Variants in DENND1B observed in about 807,000 individuals in gnomAD.
DENND1B encodes DENN domain containing 1B.
In DENND1B, 59 loss-of-function variants were observed where a neutral mutation model predicts 90.1. The ratio of observed to expected loss-of-function variants is 0.65; its 90% CI spans 0.53 to 0.81. The LOEUF (loss-of-function observed/expected upper bound fraction) is 0.81. Among genes scored for constraint, DENND1B ranks in the 40% least tolerant of loss-of-function variants. The probability of loss-of-function intolerance (pLI) is 0.00; values close to 1 mark genes in which losing one functional copy is unlikely to be tolerated. For missense variants in DENND1B, 862 were observed against 912.6 expected, an observed-to-expected ratio of 0.94 and a Z score of 0.71; for synonymous variants, 337 against 324.6, an observed-to-expected ratio of 1.04 and a Z score of -0.41.
rs1001723648 is a variant in DENND1B, at chr1:197,539,977, CGCTTTTCTGAGT to C, written c.1490_1501del (p.Asn497_Arg501delinsSer). The C allele has an allele frequency of 1.9e-6, 3 of 1,612,342 alleles. No homozygotes were observed. The Admixed American group carries it at 5.0e-5, about 27-fold the overall frequency. On this transcript the variant is annotated inframe_deletion, in exon 20 of 23. Coordinates refer to ENST00000620048, the MANE Select transcript of DENND1B (RefSeq NM_001195215.2). ...AACCTTACTTACCTGAGCAAGCTTA[CGCTTTTCTGAGT>C]TTCCTCCCTTTTCATTGTGTAATTT... is the stretch of plus-strand genomic sequence containing the variant.
rs773308113 is a variant in DENND1B at position 197,553,049 on chromosome 1, C to T, written c.1213G>A (p.Glu405Lys). The change falls in exon 16 of 23, where the codon GAG becomes AAG. Residue 405 changes from glutamate to lysine, a missense_variant. Physicochemically the swap from Glu to Lys is moderately conservative, Grantham distance 56 (BLOSUM62 1). Coordinates refer to ENST00000620048, the MANE Select transcript of DENND1B (RefSeq NM_001195215.2). ...CCACAAAAGCCACCTGAAGTGATCTCTTCTTCAAATACATCAGAGAAACCC... is the reference window on the plus strand; with the variant it reads ...CCACAAAAGCCACCTGAAGTGATCTTTTCTTCAAATACATCAGAGAAACCC... ...GRGFSDVFEE[E>K]ITSGGFCGGN... The T allele has an allele frequency of 1.3e-5, 20 of 1,568,908 alleles. No homozygotes were observed. The highest frequency in any genetic ancestry group is 2.8e-5 in the African/African-American group (2 of 71,838).
intron 3 of DENND1B, among the ~76,000 whole-genome samples, chr1:197,674,667 T>TA (rs35033905): frequency 3.2e-4 from 46 of 144,734 alleles, no homozygotes; most frequent in African/African-American, 7.6e-4. Context: ...GTCAAACAGT[T>TA]AAAAAAAAAA....
Position 197,553,011 on chromosome 1 carries a change from C to A in DENND1B, c.1240+11G>T. On this transcript the variant is annotated intron_variant, in intron 16 of 22. Coordinates refer to ENST00000620048, the MANE Select transcript of DENND1B (RefSeq NM_001195215.2). ...GAGAAAATGGATAATCATATTGTAACTTGTCTTTACCTCCACAAAAGCCAC... is the reference window on the plus strand; with the variant it reads ...GAGAAAATGGATAATCATATTGTAAATTGTCTTTACCTCCACAAAAGCCAC... The A allele has an allele frequency of 1.9e-6, 3 of 1,570,648 alleles. No individual in the cohort carries two copies. Among genetic ancestry groups the A allele is most frequent in the Non-Finnish European group, 2.6e-6 (3 of 1,166,132 alleles).
At chr1:197,705,966 A>T (rs1659492368) in intron 3 of DENND1B, among the ~76,000 whole-genome samples, 1 of 151,174 alleles carries the variant, frequency 6.6e-6, no homozygotes, top group Non-Finnish European at 1.5e-5. Flanking sequence ...ATTAATATTT[A>T]TCACGCCCAT....
intron 2 of DENND1B, among the ~76,000 whole-genome samples, chr1:197,726,051 T>C (rs1571514967): frequency 6.6e-6 from 1 of 151,738 alleles, no homozygotes; most frequent in Middle Eastern, 3.4e-3. Context: ...TACACACACA[T>C]ACACATATAT....
intron 14 of DENND1B, among the ~76,000 whole-genome samples, chr1:197,589,472 G>GTGTAAAA (rs1204828334): frequency 1.3e-5 from 2 of 152,138 alleles, no homozygotes; most frequent in African/African-American, 4.8e-5. Context: ...ATGAAAGGAT[G>GTGTAAAA]TGTAAAATGT....
rs777754291 is a variant in DENND1B, at chr1:197,510,510, G to C, written c.2278C>G (p.Gln760Glu). The change falls in exon 23 of 23, where the codon CAA (glutamine) becomes GAA (glutamate). Residue 760 changes from glutamine (Q) to glutamate (E), a missense_variant. Coordinates refer to ENST00000620048, the MANE Select transcript of DENND1B (RefSeq NM_001195215.2). ...TTGTCTGAAATGTTCAAGCTTTGTT[G>C]GAAGTCAGATGTCATATGACATAAT... ...VSLCHMTSDF[Q>E]QSLNISDKNT... is the part of the protein sequence containing the mutation. 1 of 1,611,226 alleles carries C rather than the reference G, an allele frequency of 6.2e-7. No homozygotes were observed. Among genetic ancestry groups the C allele is most frequent in the Middle Eastern group, 1.7e-4 (1 of 6,038 alleles).
intron 3 of DENND1B, among the ~76,000 whole-genome samples, chr1:197,686,771 CCG>C (rs1657285984): frequency 6.6e-6 from 1 of 151,214 alleles, no homozygotes; most frequent in South Asian, 2.1e-4. Flanking sequence ...TCTTTTCAGG[CCG>C]CTTCACAACT....
At chr1:197,741,090 T>A (rs1192908091) in intron 2 of DENND1B, among the ~76,000 whole-genome samples, 1 of 152,204 alleles carries the variant, frequency 6.6e-6, no homozygotes, top group South Asian at 2.1e-4. Flanking sequence ...TTTTCTGGAA[T>A]TTCTCTAGGC....
chr1:197,730,929 C>T (rs1662090316), intron 2 of DENND1B, among the ~76,000 whole-genome samples: 3 of 151,830 alleles, frequency 2.0e-5, no homozygotes, highest in Non-Finnish European at 4.4e-5. Context: ...GGCACACTAT[C>T]AAAAGAAAAT....
chr1:197,779,376 T>TA (rs1213426072), upstream of DENND1B, among the ~76,000 whole-genome samples: 1 of 152,168 alleles, frequency 6.6e-6, no homozygotes, highest in African/African-American at 2.4e-5. Context: ...AGTTTCACTG[T>TA]GAAGTATCTA....
chr1:197,510,646 C>A lies in DENND1B; in HGVS notation c.2142G>T (p.Leu714=). 6.2e-7 allele frequency: 1 copy of A among 1,612,840 alleles called. No individual in the cohort carries two copies. Among genetic ancestry groups the A allele is most frequent in the Non-Finnish European group, 8.5e-7 (1 of 1,179,250 alleles). Residue 714 remains leucine (L), a synonymous_variant, in exon 23 of 23, where the codon CTG becomes CTT. Transcript: ENST00000620048. ...AATGCCGCCCAAGACCGGGTATAAGCAGATCATCTGAAATCTGGCTTAGTG... is the reference window on the plus strand; with the variant it reads ...AATGCCGCCCAAGACCGGGTATAAGAAGATCATCTGAAATCTGGCTTAGTG... ...RETLSQISDD[L]LIPGLGRHSS... is the part of the protein sequence containing the mutation.
At chr1:197,714,911 G>T (rs763378698) in intron 3 of DENND1B, 120 bp downstream of exon 3, 2 of 749,426 alleles carry the variant, frequency 2.7e-6, no homozygotes, top group Admixed American at 2.4e-5. Context: ...AGTTGATCAA[G>T]AGAAAATAAT....
At chr1:197,669,169 T>C (rs1405746867) in intron 5 of DENND1B, among the ~76,000 whole-genome samples, 4 of 152,170 alleles carry the variant, frequency 2.6e-5, no homozygotes, top group East Asian at 3.8e-4. Context: ...GATTTTATTA[T>C]ACTTGTCACC....
At chr1:197,580,350 G>A (rs1244023988) in intron 15 of DENND1B, among the ~76,000 whole-genome samples, 1 of 149,358 alleles carries the variant, frequency 6.7e-6, no homozygotes, top group South Asian at 2.1e-4. Flanking sequence ...CACCCGTCTC[G>A]GTCTCCCAGA....
intron 5 of DENND1B, among the ~76,000 whole-genome samples, chr1:197,664,829 G>A (rs1654779842): frequency 6.6e-6 from 1 of 151,996 alleles, no homozygotes; most frequent in African/African-American, 2.4e-5. Flanking sequence ...GAGTGTGAAA[G>A]CTTTAGGTTT....
chr1:197,739,140 A>C (rs1458464118), intron 2 of DENND1B, among the ~76,000 whole-genome samples: 4 of 152,228 alleles, frequency 2.6e-5, no homozygotes, highest in African/African-American at 9.6e-5. Flanking sequence ...TCCCAGGATC[A>C]GCTGACATTC....
chr1:197,553,879 T>C (rs1277878353), intron 15 of DENND1B, among the ~76,000 whole-genome samples: 1 of 151,688 alleles, frequency 6.6e-6, no homozygotes, highest in East Asian at 1.9e-4. Flanking sequence ...AAAAAAGAGG[T>C]TGGAGGAGTG....
At chr1:197,584,510 C>A (rs757975698) in intron 14 of DENND1B, among the ~76,000 whole-genome samples, 2 of 152,100 alleles carry the variant, frequency 1.3e-5, no homozygotes, top group African/African-American at 2.4e-5. Context: ...AAAAAGTTTT[C>A]CTGGATAGCA....
Sources: gnomAD v4.1 joint callset for allele counts (sites outside exome capture counted in the v4.1 genomes callset) on GRCh38, gnomAD v4.1.1 for gene constraint, MANE v1.5 for transcripts, NCBI Gene and HGNC (gene_info 2026-07-23, HGNC 2026-07-21) for gene names.